The following ASXL3 variants were observed in gnomAD, a reference collection of about 807,000 sequenced individuals.
ASXL3 encodes the protein putative Polycomb group protein ASXL3.
In ASXL3, 34 loss-of-function variants were observed where a neutral mutation model predicts 170.6. That is an observed-to-expected ratio of 0.20 (90% confidence interval 0.15 to 0.27). The LOEUF is 0.27. Among genes scored for constraint, ASXL3 ranks in the 10% least tolerant of loss-of-function variants. ASXL3 has a pLI of 1.00. For missense variants in ASXL3, 2,592 were observed against 2,695.3 expected (o/e 0.96, Z 0.85); for synonymous variants, 1,002 against 989.1 (o/e 1.01, Z -0.24).
Position 33,672,839 on chromosome 18 carries a change from A to G in ASXL3, c.715+973A>G, listed in dbSNP as rs762433113. ...TACTATATGACAGACATTTTGCTAA[A>G]TCTTGGGACATACTTCTAATAAAAA... On this transcript the variant is annotated intron_variant, in intron 7 of 11. Transcript: ENST00000269197. 1.1e-3 allele frequency among the ~76,000 whole-genome samples: 164 copies of G among 152,140 alleles called. 1 individual carries two copies. The highest frequency in any genetic ancestry group is 2.1e-3 in the Non-Finnish European group (140 of 68,026).
At position 33,732,021 on chromosome 18, in the gene ASXL3, C is replaced by A; in HGVS notation, c.933C>A (p.Phe311Leu). The change falls in exon 9 of 12, where the codon TTC becomes TTA. Residue 311 changes from phenylalanine to leucine, a missense_variant. Around this residue, in one of 4 missense-constraint regions of ASXL3, gnomAD observed 73 missense variants for 142.7 expected, o/e 0.51. Transcript: ENST00000269197. ...GTACTTCAGCTCTAAATAATGAATT[C>A]TTTGCATATGCAGCACAAGGGTGGA... ...RLSTSALNNEFFAYAAQGWKQ... is the reference protein window; with the variant it reads ...RLSTSALNNELFAYAAQGWKQ... The A allele has an allele frequency of 6.2e-7, 1 of 1,613,096 alleles. No homozygotes were observed.
At chr18:33,587,590 A>G (rs1287299924) in intron 1 of ASXL3, among the ~76,000 whole-genome samples, 1 of 152,094 alleles carries the variant, frequency 6.6e-6, no homozygotes, top group Non-Finnish European at 1.5e-5. Context: ...ATGAAGTTGT[A>G]AAAGTTAGAA....
chr18:33,646,489 C>T (rs1281614019), intron 4 of ASXL3, 136 bp downstream of exon 4: 1 of 592,348 alleles, frequency 1.7e-6, no homozygotes, highest in African/African-American at 1.9e-5. Flanking sequence ...GATTTATCAT[C>T]AAGGTGTTTT....
chr18:33,678,794 A>G (rs1270101251), intron 7 of ASXL3, among the ~76,000 whole-genome samples: 4 of 152,226 alleles, frequency 2.6e-5, no homozygotes, highest in Admixed American at 2.6e-4. Context: ...TCTTAAGCCA[A>G]TTAAGAGTAC....
At chr18:33,713,151 A>G (rs2145353342) in intron 8 of ASXL3, among the ~76,000 whole-genome samples, 1 of 151,396 alleles carries the variant, frequency 6.6e-6, no homozygotes, top group South Asian at 2.1e-4. Flanking sequence ...GTTTGTTACT[A>G]TACAAAATCA....
chr18:33,721,416 A>G (rs1016920438), intron 8 of ASXL3, among the ~76,000 whole-genome samples: 1 of 152,132 alleles, frequency 6.6e-6, no homozygotes, highest in South Asian at 2.1e-4. Context: ...ATGTATATAG[A>G]TAATTGCATA....
At chr18:33,624,733 A>G (rs957266249) in intron 2 of ASXL3, among the ~76,000 whole-genome samples, 1 of 152,160 alleles carries the variant, frequency 6.6e-6, no homozygotes, top group African/African-American at 2.4e-5. Flanking sequence ...AATTTGGAGA[A>G]GAGACTTTAG....
chr18:33,657,583 A>T (rs531861457), intron 4 of ASXL3, among the ~76,000 whole-genome samples: 3 of 152,114 alleles, frequency 2.0e-5, no homozygotes, highest in African/African-American at 7.2e-5. Context: ...TTTCAAGTTG[A>T]ATGGTAAATT....
intron 8 of ASXL3, among the ~76,000 whole-genome samples, chr18:33,729,798 G>A (rs1317944230): frequency 1.3e-5 from 2 of 152,094 alleles, no homozygotes; most frequent in Non-Finnish European, 2.9e-5. Flanking sequence ...GGCCCAGACC[G>A]CCATCCCTGA....
chr18:33,589,063 T>C (rs1208515863), intron 1 of ASXL3, among the ~76,000 whole-genome samples: 1 of 152,172 alleles, frequency 6.6e-6, no homozygotes, highest in East Asian at 1.9e-4. Flanking sequence ...ATTCAGGCTG[T>C]TATATGGGTT....
At chr18:33,665,787 T>C (rs2066246865) in intron 5 of ASXL3, among the ~76,000 whole-genome samples, 1 of 152,136 alleles carries the variant, frequency 6.6e-6, no homozygotes. Context: ...GAAGAAAGTA[T>C]TGCAATATGT....
rs890916132 is a variant in ASXL3 at position 33,736,029 on chromosome 18, C to T, written c.1082+1614C>T. Among the ~76,000 whole-genome samples the T allele has an allele frequency of 2.0e-5, 3 of 152,030 alleles. No individual in the cohort carries two copies. In the South Asian group the frequency reaches 6.2e-4, roughly 31 times the overall value. On this transcript the variant is annotated intron_variant, in intron 10 of 11. Coordinates refer to ENST00000269197, the MANE Select transcript of ASXL3 (RefSeq NM_030632.3). ...ATTTCATTTAATCCTCCCAACAATT[C>T]CATAAGATGGATACCATTATTCATA...
chr18:33,635,392 C>T (rs916879069), intron 2 of ASXL3, among the ~76,000 whole-genome samples: 1 of 152,160 alleles, frequency 6.6e-6, no homozygotes, highest in Non-Finnish European at 1.5e-5. Flanking sequence ...TCTTTTCTCC[C>T]CTTTTCTTTC....
chr18:33,672,186 G>A (rs1007555731), intron 7 of ASXL3, among the ~76,000 whole-genome samples: 4 of 152,082 alleles, frequency 2.6e-5, no homozygotes, highest in African/African-American at 9.7e-5. Flanking sequence ...TGTGCAACTA[G>A]GTTTCACTTT....
Position 33,670,800 on chromosome 18 carries a change from T to A in ASXL3, c.595+10T>A. The A allele has an allele frequency of 6.6e-7, 1 of 1,504,304 alleles. No individual in the cohort carries two copies. Among genetic ancestry groups the A allele is most frequent in the Non-Finnish European group, 9.0e-7 (1 of 1,112,858 alleles). The allele number at this position is 1,504,304 out of a possible 1,614,324, so 93.2% of individuals were successfully genotyped here. ...TCGGATTCGCCTTCAGGTAAAGAGC[T>A]GAAATATCATATGCTTGGCCAGTTT... is the stretch of plus-strand genomic sequence containing the variant. On this transcript the variant is annotated intron_variant, in intron 6 of 11. Coordinates refer to ENST00000269197, the MANE Select transcript of ASXL3 (RefSeq NM_030632.3).
Position 33,671,836 on chromosome 18 carries a change from C to T in ASXL3, c.685C>T (p.His229Tyr). ...TCCCACTGGAAAACAAACAAGTCAG[C>T]ACTTAAAACGATTAAAAAAGTCTGG... ...KSPTGKQTSQ[H>Y]LKRLKKSGLG... Residue 229 changes from histidine (H) to tyrosine (Y), a missense_variant, in exon 7 of 12, where the codon CAC becomes TAC. His to Tyr is a moderately conservative substitution (Grantham distance 83, BLOSUM62 2). Coordinates refer to ENST00000269197, the MANE Select transcript of ASXL3 (RefSeq NM_030632.3). The T allele has an allele frequency of 6.2e-7, 1 of 1,610,226 alleles. No individual in the cohort carries two copies. The highest frequency in any genetic ancestry group is 2.2e-5 in the East Asian group (1 of 44,674).
At chr18:33,672,069 G>C (rs916137925) in intron 7 of ASXL3, among the ~76,000 whole-genome samples, 1 of 152,122 alleles carries the variant, frequency 6.6e-6, no homozygotes, top group Non-Finnish European at 1.5e-5. Context: ...CTAAATTTGT[G>C]AATGATAATA....
intron 8 of ASXL3, among the ~76,000 whole-genome samples, chr18:33,692,067 CT>C (rs1159814284): frequency 6.6e-6 from 1 of 152,156 alleles, no homozygotes; most frequent in Non-Finnish European, 1.5e-5. Flanking sequence ...CAAGCTTATG[CT>C]TTTTCTCCAC....
In ASXL3 at chr18:33,746,436, C is replaced by A. The variant is rs771069727; in HGVS notation, c.6588C>A (p.Pro2196=). 1 of 1,614,020 alleles carries A rather than the reference C, an allele frequency of 6.2e-7. No individual in the cohort carries two copies. Among genetic ancestry groups the A allele is most frequent in the Non-Finnish European group, 8.5e-7 (1 of 1,179,884 alleles). Residue 2196 remains proline, a synonymous_variant, in exon 12 of 12, where the codon CCC becomes CCA. Transcript: ENST00000269197. ...TGLSGQNAQM[P]VQNFADSSNA... ...TGTCTGGTCAGAACGCTCAGATGCC[C>A]GTTCAGAACTTTGCCGACAGCAGCA...
Sources: allele counts gnomAD v4.1 joint callset (sites outside exome capture counted in the v4.1 genomes callset), GRCh38; gene constraint gnomAD v4.1.1; regional missense constraint gnomAD v4.1.1; transcripts MANE v1.5; gene names NCBI Gene and HGNC (gene_info 2026-07-23, HGNC 2026-07-21).